Variants in USP48 observed in about 807,000 individuals in gnomAD.
USP48 encodes ubiquitin carboxyl-terminal hydrolase 48.
Under a neutral mutation model 150.7 loss-of-function variants are expected in USP48, and 43 were observed. The observed-to-expected ratio is 0.29, with a 90% CI of 0.22 to 0.37. The LOEUF (loss-of-function observed/expected upper bound fraction) is 0.37. USP48 is among the 10% of genes least tolerant of loss of function. The pLI, the probability that USP48 is intolerant of heterozygous loss-of-function variation, is 1.00. For missense variants in USP48, 813 were observed against 1,249.6 expected (o/e 0.65, Z 5.27); for synonymous variants, 396 against 425.9 (o/e 0.93, Z 0.86).
At chr1:21,723,841 T>C (rs1439081334) in intron 12 of USP48, 57 bp downstream of exon 12, 3 of 1,471,468 alleles carry the variant, frequency 2.0e-6, no homozygotes, top group Non-Finnish European at 1.9e-6. Flanking sequence ...ATAAAGACCA[T>C]AAGATGAAGA....
chr1:21,738,477 C>T (rs1162191131), intron 8 of USP48, among the ~76,000 whole-genome samples: 1 of 151,742 alleles, frequency 6.6e-6, no homozygotes, highest in Non-Finnish European at 1.5e-5. Flanking sequence ...TTGCCTCAAC[C>T]TCCCAAGTAG....
chr1:21,680,882 GAC>G (rs1323595077), intron 25 of USP48, 48 bp from the exon 26 acceptor site: 2 of 1,456,440 alleles, frequency 1.4e-6, no homozygotes, highest in African/African-American at 2.9e-5. Context: ...AGATTGTCGT[GAC>G]AGACAGTAAT....
chr1:21,688,480 A>G (rs1209714810), intron 24 of USP48, among the ~76,000 whole-genome samples: 1 of 151,328 alleles, frequency 6.6e-6, no homozygotes, highest in African/African-American at 2.4e-5. Context: ...CAACCTCCCA[A>G]AGTGTTAGGA....
Position 21,697,478 on chromosome 1 carries a change from A to G in USP48, c.2728-2257T>C, listed in dbSNP as rs1312642365. 2.6e-5 allele frequency among the ~76,000 whole-genome samples: 4 copies of G among 152,258 alleles called. No homozygotes were observed. The East Asian group carries it at 7.7e-4, about 29-fold the overall frequency. On this transcript the variant is annotated intron_variant, in intron 22 of 26. Coordinates refer to ENST00000308271, the MANE Select transcript of USP48 (RefSeq NM_032236.8). The stretch of plus-strand genomic sequence containing the variant: ...GGAGATTGAGACCATCCTGGCTAAC[A>G]TGGTGAAACCCCGTCTCTACTAAAA...
chr1:21,767,312 G>A (rs2097864514), intron 1 of USP48, among the ~76,000 whole-genome samples: 1 of 151,912 alleles, frequency 6.6e-6, no homozygotes, highest in African/African-American at 2.4e-5. Flanking sequence ...CTGTGCCTGG[G>A]ACCTTTTTTA....
At chr1:21,766,229 T>G (rs1457471445) in intron 1 of USP48, among the ~76,000 whole-genome samples, 1 of 151,950 alleles carries the variant, frequency 6.6e-6, no homozygotes, top group Non-Finnish European at 1.5e-5. Flanking sequence ...AAAAATTAGC[T>G]GGGTTTGGTG....
At chr1:21,685,656 A>T (rs749672998) in intron 25 of USP48, among the ~76,000 whole-genome samples, 6 of 152,190 alleles carry the variant, frequency 3.9e-5, no homozygotes, top group Non-Finnish European at 5.9e-5. Flanking sequence ...ATTGATGTAT[A>T]GTAATGCTGC....
At chr1:21,766,058 C>A (rs778035387) in intron 1 of USP48, among the ~76,000 whole-genome samples, 1 of 151,208 alleles carries the variant, frequency 6.6e-6, no homozygotes, top group Non-Finnish European at 1.5e-5. Flanking sequence ...TGGAATGATG[C>A]CCAAAATTGT....
At chr1:21,761,184 CCGTT>C (rs2097849183) in intron 1 of USP48, among the ~76,000 whole-genome samples, 1 of 152,050 alleles carries the variant, frequency 6.6e-6, no homozygotes, top group Non-Finnish European at 1.5e-5. Context: ...GTAAACACAC[CCGTT>C]TGTTTAGATA....
At chr1:21,730,152 T>C (rs2097753246) in intron 9 of USP48, among the ~76,000 whole-genome samples, 1 of 152,130 alleles carries the variant, frequency 6.6e-6, no homozygotes, top group South Asian at 2.1e-4. Flanking sequence ...TTACAAAAAT[T>C]AACTGAAGCC....
chr1:21,689,356 G>A (rs2097590484), intron 24 of USP48, among the ~76,000 whole-genome samples: 1 of 149,890 alleles, frequency 6.7e-6, no homozygotes, highest in African/African-American at 2.4e-5. Context: ...GGGCATTGGG[G>A]AGGGGACACC....
intron 9 of USP48, among the ~76,000 whole-genome samples, chr1:21,733,846 C>T (rs1378822916): frequency 6.6e-6 from 1 of 151,194 alleles, no homozygotes; most frequent in Non-Finnish European, 1.5e-5. Context: ...GGCTGGAGTG[C>T]AGTGGTGCAA....
chr1:21,770,683 T>C (rs991597490), intron 1 of USP48, among the ~76,000 whole-genome samples: 1 of 150,922 alleles, frequency 6.6e-6, no homozygotes, highest in African/African-American at 2.4e-5. Flanking sequence ...GGTTTCACCA[T>C]ATTGGCCAGA....
chr1:21,681,204 A>T (rs2097564855), intron 25 of USP48: 1 of 172,786 alleles, frequency 5.8e-6, no homozygotes, highest in Non-Finnish European at 1.2e-5. Flanking sequence ...CTTTTGACTC[A>T]CACAGCAGCT....
chr1:21,742,603 A>G (rs1048562204), intron 8 of USP48, among the ~76,000 whole-genome samples: 9 of 149,998 alleles, frequency 6.0e-5, no homozygotes, highest in Non-Finnish European at 2.9e-5. Context: ...GAAAAGAAAA[A>G]AAGAAAAAGA....
chr1:21,768,944 C>T lies in USP48; in HGVS notation c.135-11161G>A, dbSNP rs186311826. 1.6e-4 allele frequency among the ~76,000 whole-genome samples: 25 copies of T among 152,204 alleles called. No homozygotes were observed. The East Asian group carries it at 4.8e-3, about 29-fold the overall frequency. On this transcript the variant is annotated intron_variant, in intron 1 of 26. Coordinates refer to ENST00000308271, the MANE Select transcript of USP48 (RefSeq NM_032236.8). ...CCTCCCAAACTGCTGGGGTTACTAG[C>T]TTAAGCCACTGCACTTGGCCCAATA...
intron 1 of USP48, among the ~76,000 whole-genome samples, chr1:21,772,779 A>G (rs2097885289): frequency 6.7e-6 from 1 of 149,764 alleles, no homozygotes; most frequent in Admixed American, 6.7e-5. Flanking sequence ...AATGTTAGCC[A>G]GGAGTGGTGG....
At chr1:21,761,195 G>C (rs2097849205) in intron 1 of USP48, among the ~76,000 whole-genome samples, 1 of 151,910 alleles carries the variant, frequency 6.6e-6, no homozygotes. Context: ...CGTTTGTTTA[G>C]ATAGAAGAGT....
chr1:21,769,303 T>C (rs1572038529), intron 1 of USP48, among the ~76,000 whole-genome samples: 4 of 151,822 alleles, frequency 2.6e-5, no homozygotes, highest in East Asian at 3.9e-4. Context: ...CTTTATCTTA[T>C]GGGAGCTACA....
Sources: gnomAD v4.1 joint callset for allele counts (sites outside exome capture counted in the v4.1 genomes callset) on GRCh38, gnomAD v4.1.1 for gene constraint, MANE v1.5 for transcripts, NCBI Gene and HGNC (gene_info 2026-07-23, HGNC 2026-07-21) for gene names.